Variants in CCDC74B observed in about 807,000 individuals in gnomAD.
CCDC74B encodes the protein coiled-coil domain-containing protein 74B.
In CCDC74B, 34 loss-of-function variants were observed where a neutral mutation model predicts 38.0. That is an observed-to-expected ratio of 0.89 (90% CI 0.68 to 1.19). The LOEUF is 1.19. Among genes scored for constraint, CCDC74B ranks in the 50% most tolerant of loss-of-function variants. CCDC74B has a pLI of 0.00. For missense variants in CCDC74B, 358 were observed against 406.0 expected (o/e 0.88, Z 1.02); for synonymous variants, 132 against 170.4 (o/e 0.77, Z 1.76).
rs1185291855 is a variant in CCDC74B at position 130,144,486 on chromosome 2, G to T, written c.250+261C>A. 2.6e-6 allele frequency: 4 copies of T among 1,515,454 alleles called. No homozygotes were observed. In the South Asian group the frequency reaches 4.8e-5, roughly 18 times the overall value. The allele number at this position is 1,515,454 out of a possible 1,614,324, so 93.9% of individuals were successfully genotyped here. ...AGGTGTGTCTGACCCTGCTTGGAGA[G>T]GAGAGGACTGGCGGAGTCAGCATCT... On this transcript the variant is annotated intron_variant, in intron 1 of 7. Transcript: ENST00000409943.
chr2:130,139,472 T>C lies in CCDC74B; in HGVS notation c.*83A>G. 6.6e-7 allele frequency: 1 copy of C among 1,513,094 alleles called. No homozygotes were observed. The highest frequency in any genetic ancestry group is 8.9e-7 in the Non-Finnish European group (1 of 1,122,002). 93.7% of individuals were successfully genotyped at this position (1,513,094 alleles called of 1,614,324 possible). ...CTTGGAATTTAGCCAGGCCTAAAAG[T>C]AGCGGAAGTGTCAGGAAATGCTATA... On this transcript the variant is annotated 3_prime_UTR_variant, in exon 8 of 8. Transcript: ENST00000409943.
At chr2:130,144,541 A>G (rs1415681745) in intron 1 of CCDC74B, 17 of 1,550,224 alleles carry the variant, frequency 1.1e-5, no homozygotes, top group East Asian at 2.4e-5. Flanking sequence ...AGACAGGCAG[A>G]CAGGTTCGGC....
rs190850496 is a variant in CCDC74B, at chr2:130,143,858, G to T, written c.251-545C>A. 4.2e-3 allele frequency among the ~76,000 whole-genome samples: 630 copies of T among 151,636 alleles called. 4 individuals carry two copies. The highest frequency in any genetic ancestry group is 0.012 in the East Asian group (63 of 5,102). On this transcript the variant is annotated intron_variant, in intron 1 of 7. Transcript: ENST00000409943. ...TTGCTGGAGCCCTCCTGAAGCAAGA[G>T]CGAGGAGCGGAGCCACATCCCACAT...
chr2:130,144,379 T>C, intron 1 of CCDC74B: 1 of 1,021,548 alleles, frequency 9.8e-7, no homozygotes, highest in Non-Finnish European at 1.5e-6. Context: ...GACCTCGCGA[T>C]CCGCCCGTCT....
rs900408238 is a variant in CCDC74B at position 130,141,858 on chromosome 2, C to G, written c.346+275G>C. The G allele has an allele frequency of 3.8e-5, 27 of 703,928 alleles. No individual in the cohort carries two copies. The African/African-American group carries it at 4.5e-4, about 12-fold the overall frequency. 43.6% of individuals were successfully genotyped at this position (703,928 alleles called of 1,614,324 possible). On this transcript the variant is annotated intron_variant, in intron 3 of 7. Transcript: ENST00000409943. ...AGGGTACGTCCTCCCTAGGCGGCCA[C>G]CCGGGGAGGCCCCTCCTGCCTGCTT... is the stretch of plus-strand genomic sequence containing the variant.
Position 130,140,481 on chromosome 2 carries a change from G to T in CCDC74B, c.486-110C>A. 4 of 1,263,004 alleles carry T rather than the reference G, an allele frequency of 3.2e-6. No homozygotes were observed. In the South Asian group the frequency reaches 5.8e-5, roughly 18 times the overall value. 78.2% of individuals were successfully genotyped at this position (1,263,004 alleles called of 1,614,324 possible). ...AGGCCAATGTGGGGAAGAGGGCCTG[G>T]TTCCCCTCTCCCACTGAGCAGGGTG... On this transcript the variant is annotated intron_variant, in intron 4 of 7. Transcript: ENST00000409943.
intron 4 of CCDC74B, chr2:130,140,760 G>T: frequency 6.1e-6 from 2 of 326,436 alleles, no homozygotes; most frequent in Non-Finnish European, 1.1e-5. Flanking sequence ...CGCAAACTCA[G>T]GGATCACCAG....
intron 2 of CCDC74B, chr2:130,142,749 G>C (rs939465353): frequency 3.2e-6 from 5 of 1,548,816 alleles, no homozygotes; most frequent in Admixed American, 3.9e-5. Context: ...TGTCAGGATG[G>C]GGAAGTGCCT....
intron 1 of CCDC74B, 111 bp from the exon 2 acceptor site, chr2:130,143,424 A>G (rs1183116634): frequency 1.4e-6 from 2 of 1,397,462 alleles, no homozygotes; most frequent in African/African-American, 2.8e-5. Flanking sequence ...CTGCCCCCCC[A>G]CTGGCTGATT....
Position 130,144,912 on chromosome 2 carries a change from C to G in CCDC74B, c.85G>C (p.Val29Leu), listed in dbSNP as rs1455083591. The G allele has an allele frequency of 1.9e-6, 3 of 1,563,702 alleles. No individual in the cohort carries two copies. The highest frequency in any genetic ancestry group is 4.2e-5 in the Admixed American group (2 of 47,072). The change falls in exon 1 of 8, where the codon GTG (valine) becomes CTG (leucine). Residue 29 changes from valine (V) to leucine (L), a missense_variant. Coordinates refer to ENST00000409943, the MANE Select transcript of CCDC74B (RefSeq NM_001258307.2). ...GSRRRRQRPS[V>L]GVQSLRPQSP... is the part of the protein sequence containing the mutation. ...TGCGGCCTCAAGGACTGGACGCCCA[C>G]AGAGGGGCGCTGGCGCCGGCGCCGA...
intron 6 of CCDC74B, 30 bp from the exon 7 acceptor site, chr2:130,139,977 G>C (rs762110491): frequency 2.5e-6 from 4 of 1,605,724 alleles, no homozygotes; most frequent in Non-Finnish European, 3.4e-6. Context: ...GCAGTGAGCT[G>C]TGGATAGGCC....
rs1439650392 is a variant in CCDC74B, at chr2:130,144,861, G to T, written c.136C>A (p.Pro46Thr). ...TCCAGGTCCAGGTTCCGTTTCTGCG[G>T]GTCGCTCTGCCTGAGCTGCGGGCTC... is the stretch of plus-strand genomic sequence containing the variant. ...PQSPQLRQSD[P>T]QKRNLDLEKS... Residue 46 changes from proline (P) to threonine (T), a missense_variant, in exon 1 of 8, where the codon CCG (proline) becomes ACG (threonine). Physicochemically the swap from Pro to Thr is conservative, Grantham distance 38 (BLOSUM62 -1). This residue lies in a region of CCDC74B where 128 missense variants were observed against 146.7 expected (regional missense o/e 0.87). Transcript: ENST00000409943. 3 of 1,613,384 alleles carry T rather than the reference G, an allele frequency of 1.9e-6. No individual in the cohort carries two copies. The South Asian group carries it at 3.3e-5, about 18-fold the overall frequency.
intron 1 of CCDC74B, among the ~76,000 whole-genome samples, chr2:130,144,198 G>A (rs889587419): frequency 6.6e-6 from 1 of 152,166 alleles, no homozygotes; most frequent in Non-Finnish European, 1.5e-5. Context: ...GGAGTGCAGT[G>A]GCAAGATCTC....
intron 1 of CCDC74B, chr2:130,144,262 C>A (rs544429847): frequency 5.0e-6 from 2 of 396,488 alleles, no homozygotes; most frequent in South Asian, 4.0e-5. Flanking sequence ...GCCTCAGCCT[C>A]CCGAGTAGCT....
chr2:130,144,244 A>G, intron 1 of CCDC74B: 1 of 378,476 alleles, frequency 2.6e-6, no homozygotes, highest in African/African-American at 2.1e-5. Context: ...GGTTCACGCC[A>G]TTCTCCTGCC....
chr2:130,144,372 C>A, intron 1 of CCDC74B: 1 of 977,552 alleles, frequency 1.0e-6, no homozygotes, highest in Non-Finnish European at 1.6e-6. Flanking sequence ...ATCTCCTGAC[C>A]TCGCGATCCG....
rs1194584678 is a variant in CCDC74B at position 130,141,626 on chromosome 2, A to T, written c.347-330T>A. ...TCGGCAAGGACAAGGCCCGTCCAGCACCTGGGCCCATCACAGGAATGGTGA... is the reference window on the plus strand; with the variant it reads ...TCGGCAAGGACAAGGCCCGTCCAGCTCCTGGGCCCATCACAGGAATGGTGA... On this transcript the variant is annotated intron_variant, in intron 3 of 7. Coordinates refer to ENST00000409943, the MANE Select transcript of CCDC74B (RefSeq NM_001258307.2). 3.1e-5 allele frequency: 13 copies of T among 421,828 alleles called. No homozygotes were observed. In the South Asian group the frequency reaches 3.2e-4, roughly 11 times the overall value. The allele number at this position is 421,828 out of a possible 1,614,324, so 26.1% of individuals were successfully genotyped here.
intron 3 of CCDC74B, chr2:130,141,898 G>C (rs1309752704): frequency 2.2e-6 from 2 of 894,430 alleles, no homozygotes; most frequent in African/African-American, 3.5e-5. Context: ...CCCCACCCTG[G>C]GGTGCCTGCT....
chr2:130,143,447 A>G (rs1685804396), intron 1 of CCDC74B, 134 bp from the exon 2 acceptor site: 1 of 1,168,274 alleles, frequency 8.6e-7, no homozygotes. Context: ...GCCCTGCCCC[A>G]TGGATCCCGC....
Sources: gnomAD v4.1 joint callset for allele counts (sites outside exome capture counted in the v4.1 genomes callset) on GRCh38, gnomAD v4.1.1 for gene constraint, gnomAD v4.1.1 regional missense constraint, MANE v1.5 for transcripts, NCBI Gene and HGNC (gene_info 2026-07-23, HGNC 2026-07-21) for gene names.